Variants in LYPD5 observed in about 807,000 individuals in gnomAD.
The protein encoded by LYPD5 is ly6/PLAUR domain-containing protein 5.
A neutral mutation model predicts 19.1 loss-of-function variants in LYPD5; 21 were observed. The ratio of observed to expected loss-of-function variants is 1.10; its 90% CI spans 0.78 to 1.58. The LOEUF (loss-of-function observed/expected upper bound fraction) is 1.58. Among genes scored for constraint, LYPD5 ranks in the 40% most tolerant of loss-of-function variants. The pLI is 0.00. For synonymous variants in LYPD5, 128 were observed against 142.7 expected, an observed-to-expected ratio of 0.90 and a Z score of 0.74; for missense variants, 287 against 329.8, an observed-to-expected ratio of 0.87 and a Z score of 1.00.
intron 1 of LYPD5, among the ~76,000 whole-genome samples, chr19:43,816,389 CAGAATGTAA>C (rs1970376649): frequency 6.6e-6 from 1 of 152,152 alleles, no homozygotes; most frequent in South Asian, 2.1e-4. Context: ...CTATGTTCTT[CAGAATGTAA>C]AGATGATCAA....
upstream of LYPD5, among the ~76,000 whole-genome samples, chr19:43,803,297 C>T (rs756501971): frequency 7.9e-5 from 12 of 152,156 alleles, no homozygotes; most frequent in Non-Finnish European, 1.6e-4. Flanking sequence ...CACTGTCCCC[C>T]GAGGACACAG....
intron 2 of LYPD5, 53 bp downstream of exon 2, chr19:43,799,653 C>A: frequency 6.4e-7 from 1 of 1,556,746 alleles, no homozygotes; most frequent in East Asian, 2.3e-5. Context: ...TCCCCTCTCC[C>A]CCCTTTTTCC....
Position 43,798,900 on chromosome 19 carries a change from C to G in LYPD5, c.282G>C (p.Pro94=), listed in dbSNP as rs534504699. 1 of 1,602,684 alleles carries G rather than the reference C, an allele frequency of 6.2e-7. No individual in the cohort carries two copies. The highest frequency in any genetic ancestry group is 8.5e-7 in the Non-Finnish European group (1 of 1,174,884). ...AGCCGCGCACCACCGAGTAGTCTGG[C>G]GGCAGCGCGTCCGCGTTCGATTGCG... ...GQTQSNADAL[P]PDYSVVRGCT... The change falls in exon 3 of 5, where the codon CCG becomes CCC. Residue 94 remains proline (P), a synonymous_variant. Coordinates refer to ENST00000377950, the MANE Select transcript of LYPD5 (RefSeq NM_001031749.3).
At chr19:43,797,866 T>C (rs1555727887) in intron 4 of LYPD5, 37 bp from the exon 5 acceptor site, 2 of 1,486,758 alleles carry the variant, frequency 1.3e-6, no homozygotes, top group Non-Finnish European at 1.9e-6. Flanking sequence ...CGGTCAGAAC[T>C]GAGGGAGACA....
At chr19:43,799,353 C>T (rs1377768335) in intron 2 of LYPD5, among the ~76,000 whole-genome samples, 1 of 152,186 alleles carries the variant, frequency 6.6e-6, no homozygotes, top group Non-Finnish European at 1.5e-5. Flanking sequence ...AAGCGATTCT[C>T]GTGCCTCAGC....
intron 1 of LYPD5, among the ~76,000 whole-genome samples, chr19:43,811,221 T>C (rs1454362006): frequency 1.3e-5 from 2 of 151,952 alleles, no homozygotes; most frequent in Non-Finnish European, 2.9e-5. Flanking sequence ...ATGCCTGTAA[T>C]CCCAGCATTT....
At chr19:43,811,559 A>G (rs911495459) in intron 1 of LYPD5, among the ~76,000 whole-genome samples, 5 of 152,076 alleles carry the variant, frequency 3.3e-5, no homozygotes, top group Admixed American at 6.6e-5. Flanking sequence ...GGTGGTGGGC[A>G]CCTATAATCC....
chr19:43,806,660 CAACAAAACAA>C (rs149155466), upstream of LYPD5, among the ~76,000 whole-genome samples: 6 of 150,912 alleles, frequency 4.0e-5, no homozygotes, highest in East Asian at 1.9e-4. Flanking sequence ...GACACCGTCT[CAACAAAACAA>C]AACAAAACAA....
Position 43,798,925 on chromosome 19 carries a change from G to A in LYPD5, c.257C>T (p.Thr86Met). The change falls in exon 3 of 5, where the codon ACG becomes ATG. Residue 86 changes from threonine (T) to methionine (M), a missense_variant. By Grantham distance (81) the Thr-to-Met change is moderately conservative. Transcript: ENST00000377950. ...CGGCAGCGCGTCCGCGTTCGATTGCGTCTGGCCCGCAGGAGGCCCGGTCCA... is the reference window on the plus strand; with the variant it reads ...CGGCAGCGCGTCCGCGTTCGATTGCATCTGGCCCGCAGGAGGCCCGGTCCA... Reference protein sequence around the residue: ...GCWTGPPAGQTQSNADALPPD... With the variant: ...GCWTGPPAGQMQSNADALPPD... 1 of 1,594,574 alleles carries A rather than the reference G, an allele frequency of 6.3e-7. No individual in the cohort carries two copies. The highest frequency in any genetic ancestry group is 8.5e-7 in the Non-Finnish European group (1 of 1,171,294).
intron 1 of LYPD5, among the ~76,000 whole-genome samples, chr19:43,809,429 G>T (rs1335343940): frequency 6.6e-6 from 1 of 151,770 alleles, no homozygotes; most frequent in Non-Finnish European, 1.5e-5. Flanking sequence ...CACCCAGGCT[G>T]GAGTGCAATG....
intron 1 of LYPD5, among the ~76,000 whole-genome samples, chr19:43,816,775 C>G (rs1213252781): frequency 6.6e-6 from 1 of 152,184 alleles, no homozygotes; most frequent in Non-Finnish European, 1.5e-5. Context: ...GTGGGAGGAA[C>G]CCGGTGAGAG....
chr19:43,801,954 C>A (rs747770694), intron 1 of LYPD5, among the ~76,000 whole-genome samples: 16 of 152,098 alleles, frequency 1.1e-4, no homozygotes, highest in Non-Finnish European at 1.3e-4. Flanking sequence ...CCTGAGGGCT[C>A]CCTGGAAATA....
chr19:43,797,875 C>G lies in LYPD5; in HGVS notation c.518-46G>C, dbSNP rs749260598. 2.0e-5 allele frequency: 28 copies of G among 1,419,194 alleles called. No homozygotes were observed. In the South Asian group the frequency reaches 3.2e-4, roughly 16 times the overall value. The allele number at this position is 1,419,194 out of a possible 1,614,324, so 87.9% of individuals were successfully genotyped here. A position where few individuals can be genotyped will look rare whatever the true frequency, so the allele number is the denominator to read the frequency against. ...GAGGAACGGTCAGAACTGAGGGAGA[C>G]AGCTGCACCTGAACCTTCACCTTGG... On this transcript the variant is annotated intron_variant, in intron 4 of 4. Coordinates refer to ENST00000377950, the MANE Select transcript of LYPD5 (RefSeq NM_001031749.3).
chr19:43,815,451 G>C (rs1304420617), intron 1 of LYPD5, among the ~76,000 whole-genome samples: 1 of 152,026 alleles, frequency 6.6e-6, no homozygotes, highest in Non-Finnish European at 1.5e-5. Context: ...GCATGTGCCT[G>C]TAGTCCCAGT....
At chr19:43,808,294 CG>C (rs1012956338) in intron 1 of LYPD5, among the ~76,000 whole-genome samples, 34 of 151,862 alleles carry the variant, frequency 2.2e-4, no homozygotes, top group African/African-American at 8.0e-4. Flanking sequence ...TTAGTAGAGA[CG>C]GGGTTTCACC....
intron 1 of LYPD5, among the ~76,000 whole-genome samples, chr19:43,814,130 A>C (rs1188420522): frequency 2.0e-5 from 3 of 152,174 alleles, no homozygotes; most frequent in Non-Finnish European, 2.9e-5. Context: ...ATCCTGACCA[A>C]ACAGAAAGCC....
chr19:43,797,716 AC>A lies in LYPD5; in HGVS notation c.630del (p.Tyr211ThrfsTer8), dbSNP rs771745445. On this transcript the variant is annotated frameshift_variant, in exon 5 of 5. Transcript: ENST00000377950. LOFTEE classifies it low-confidence loss of function (END_TRUNC). ...GTCATGGATTTCCTGTTGCAGAGGT[AC>A]CCCTCACAGCAGGAGCCCTGGAGGT... Reference protein sequence around the residue: ...AIDLQGSCCEGYLCNRKSMTQ... With the variant: ...AIDLQGSCCEXYLCNRKSMTQ... The A allele has an allele frequency of 1.2e-6, 2 of 1,612,894 alleles. No individual in the cohort carries two copies. The highest frequency in any genetic ancestry group is 1.7e-6 in the Non-Finnish European group (2 of 1,179,736).
chr19:43,803,695 AT>A (rs55985536), upstream of LYPD5, among the ~76,000 whole-genome samples: 44,774 of 151,664 alleles, frequency 0.3, 7,175 homozygotes, highest in Non-Finnish European at 0.38. Context: ...TTCTATTTCT[AT>A]TTTTTTTATT....
At position 43,802,303 on chromosome 19, in the gene LYPD5, A is replaced by G; in HGVS notation, c.64+14T>C. 1 of 1,550,670 alleles carries G rather than the reference A, an allele frequency of 6.4e-7. No individual in the cohort carries two copies. On this transcript the variant is annotated intron_variant, in intron 1 of 4. Coordinates refer to ENST00000377950, the MANE Select transcript of LYPD5 (RefSeq NM_001031749.3). ...CCTGCCCCTTCTCACTACTGGATTCAGAAGTTTGCGTACCTGTCAGGCAGA... is the reference window on the plus strand; with the variant it reads ...CCTGCCCCTTCTCACTACTGGATTCGGAAGTTTGCGTACCTGTCAGGCAGA...
Sources: allele counts gnomAD v4.1 joint callset (sites outside exome capture counted in the v4.1 genomes callset), GRCh38; gene constraint gnomAD v4.1.1; transcripts MANE v1.5; gene names NCBI Gene and HGNC (gene_info 2026-07-23, HGNC 2026-07-21).